PRKCB: variants seen among roughly 807,000 people sequenced by gnomAD.
PRKCB encodes the protein protein kinase C beta.
PRKCB carries 13 observed loss-of-function variants against 81.5 expected under a neutral mutation model. That is an observed-to-expected ratio of 0.16 (90% CI 0.10 to 0.25). The LOEUF (loss-of-function observed/expected upper bound fraction) is 0.25, where lower values mean the gene tolerates loss of function less well. Ranked by LOEUF, PRKCB falls within the 10% of genes least tolerant of loss-of-function variation. The pLI is 1.00. For synonymous variants in PRKCB, 335 were observed against 321.4 expected, an observed-to-expected ratio of 1.04 and a Z score of -0.45; for missense variants, 509 against 875.7, an observed-to-expected ratio of 0.58 and a Z score of 5.29.
chr16:23,982,981 A>C (rs1276181687), intron 2 of PRKCB, among the ~76,000 whole-genome samples: 1 of 152,138 alleles, frequency 6.6e-6, no homozygotes, highest in African/African-American at 2.4e-5. Flanking sequence ...GCAGGCTTTC[A>C]ACCTTTGTAG....
At chr16:24,180,644 A>G (rs1967604094) in intron 12 of PRKCB, 146 bp from the exon 13 acceptor site, 1 of 900,414 alleles carries the variant, frequency 1.1e-6, no homozygotes, top group Non-Finnish European at 1.7e-6. Context: ...CCAGACTGTA[A>G]GCTGTTGGAG....
At chr16:23,880,951 G>A (rs574796234) in intron 2 of PRKCB, among the ~76,000 whole-genome samples, 10 of 152,052 alleles carry the variant, frequency 6.6e-5, no homozygotes, top group African/African-American at 1.9e-4. Flanking sequence ...CCACTGCTTG[G>A]CTTGACGATC....
intron 5 of PRKCB, among the ~76,000 whole-genome samples, chr16:24,044,603 C>T (rs1376107998): frequency 6.6e-6 from 1 of 152,160 alleles, no homozygotes; most frequent in Non-Finnish European, 1.5e-5. Flanking sequence ...TGGTGTAAAG[C>T]AGAGGTTGCC....
intron 9 of PRKCB, among the ~76,000 whole-genome samples, chr16:24,154,313 CAAAAAAT>C (rs1967122313): frequency 6.6e-6 from 1 of 151,936 alleles, no homozygotes; most frequent in Non-Finnish European, 1.5e-5. Flanking sequence ...CTTGTCTCTA[CAAAAAAT>C]AAAAAATAAA....
At chr16:24,187,679 GTTTTGTTTTGTTTTGTTTTA>G (rs1192550040) in intron 15 of PRKCB, among the ~76,000 whole-genome samples, 2 of 139,360 alleles carry the variant, frequency 1.4e-5, no homozygotes, top group Admixed American at 7.1e-5. Context: ...GTTTTGTTTT[GTTTTGTTTTGTTTTGTTTTA>G]TCAATGTCTC....
At chr16:24,053,341 TATCTGGTCACTGTCACAAC>T (rs1271440417) in intron 5 of PRKCB, among the ~76,000 whole-genome samples, 6 of 152,222 alleles carry the variant, frequency 3.9e-5, no homozygotes, top group African/African-American at 1.4e-4. Flanking sequence ...GCTTTGGAGC[TATCTGGTCACTGTCACAAC>T]TACTTAACTC....
chr16:24,125,185 G>T (rs943095694), intron 9 of PRKCB, among the ~76,000 whole-genome samples: 8 of 151,182 alleles, frequency 5.3e-5, no homozygotes, highest in Middle Eastern at 3.4e-3. Context: ...TTTCTACTTC[G>T]TAGCCGTAAT....
At chr16:23,928,113 C>T (rs967739140) in intron 2 of PRKCB, among the ~76,000 whole-genome samples, 1 of 151,886 alleles carries the variant, frequency 6.6e-6, no homozygotes, top group African/African-American at 2.4e-5. Context: ...GCTGTTTCCA[C>T]AGACGTTTAT....
intron 2 of PRKCB, among the ~76,000 whole-genome samples, chr16:23,926,957 T>C (rs534410953): frequency 5.2e-4 from 79 of 152,286 alleles, no homozygotes; most frequent in African/African-American, 1.8e-3. Context: ...CATTAAAGTA[T>C]TTATTGAATA....
chr16:24,118,700 G>C (rs1275018518), intron 8 of PRKCB, among the ~76,000 whole-genome samples: 1 of 152,164 alleles, frequency 6.6e-6, no homozygotes, highest in Non-Finnish European at 1.5e-5. Context: ...TTGAGTTCTA[G>C]GGCTCTAAAT....
chr16:24,032,204 G>A lies in PRKCB; in HGVS notation c.357G>A (p.Gly119=), dbSNP rs564776408. 1 of 1,613,708 alleles carries A rather than the reference G, an allele frequency of 6.2e-7. No homozygotes were observed. The highest frequency in any genetic ancestry group is 1.3e-5 in the African/African-American group (1 of 75,006). The part of the protein sequence containing the change: ...YSSPTFCDHC[G]SLLYGLIHQG... ...GCCCCACGTTTTGTGACCACTGTGG[G>A]TCACTGCTGTATGGACTCATCCACC... Residue 119 remains glycine, a synonymous_variant, in exon 4 of 17, where the codon GGG becomes GGA. Coordinates refer to ENST00000643927, the MANE Select transcript of PRKCB (RefSeq NM_002738.7).
intron 2 of PRKCB, among the ~76,000 whole-genome samples, chr16:23,955,534 T>A (rs1964338720): frequency 6.6e-6 from 1 of 152,132 alleles, no homozygotes; most frequent in Non-Finnish European, 1.5e-5. Flanking sequence ...TGGGGACTTG[T>A]GTTTATAAGT....
At chr16:24,203,570 A>G (rs561962685) in intron 16 of PRKCB, among the ~76,000 whole-genome samples, 9 of 152,134 alleles carry the variant, frequency 5.9e-5, no homozygotes, top group Non-Finnish European at 1.0e-4. Flanking sequence ...ACATTTGCTG[A>G]TGTTCTTCCT....
Position 23,836,006 on chromosome 16 carries a change from A to G in PRKCB, c.-170A>G, listed in dbSNP as rs371723231. ...CTGGACGAGCGGCAGCAGCTGGGCG[A>G]GTGACAGCCCCGGCTCCGCGCGCCG... On this transcript the variant is annotated 5_prime_UTR_variant, in exon 1 of 17. Transcript: ENST00000643927. 170 of 234,950 alleles carry G rather than the reference A, an allele frequency of 7.2e-4. 6 individuals carry two copies. In the East Asian group the frequency reaches 0.021, roughly 28 times the overall value. 14.6% of individuals were successfully genotyped at this position (234,950 alleles called of 1,614,324 possible).
At chr16:23,886,120 A>G (rs148426232) in intron 2 of PRKCB, among the ~76,000 whole-genome samples, 2,965 of 152,308 alleles carry the variant, frequency 0.019, 95 homozygotes, top group African/African-American at 0.068. Context: ...GCTGAAGGTC[A>G]CAGAGCTGAG....
rs750032530 is a variant in PRKCB at position 24,185,100 on chromosome 16, C to T, written c.1534-11C>T. 1.2e-6 allele frequency: 2 copies of T among 1,613,112 alleles called. No homozygotes were observed. Among genetic ancestry groups the T allele is most frequent in the Non-Finnish European group, 1.7e-6 (2 of 1,179,174 alleles). On this transcript the variant is annotated splice_polypyrimidine_tract_variant and intron_variant, in intron 13 of 16. Coordinates refer to ENST00000643927, the MANE Select transcript of PRKCB (RefSeq NM_002738.7). ...GCAAACCTCCCTGATAGGGTGCCTT[C>T]TCTTTTCTAGATAATTGCTTATCAG...
intron 4 of PRKCB, among the ~76,000 whole-genome samples, chr16:24,032,534 T>C (rs565948311): frequency 1.3e-5 from 2 of 152,208 alleles, no homozygotes; most frequent in South Asian, 4.1e-4. Flanking sequence ...TGGTTCATGG[T>C]GGATTAGCAG....
rs370121951 is a variant in PRKCB, at chr16:23,845,579, G to A, written c.205+8173G>A. Among the ~76,000 whole-genome samples the A allele has an allele frequency of 3.9e-5, 6 of 152,280 alleles. No homozygotes were observed. In the East Asian group the frequency reaches 1.2e-3, roughly 29 times the overall value. On this transcript the variant is annotated intron_variant, in intron 2 of 16. Coordinates refer to ENST00000643927, the MANE Select transcript of PRKCB (RefSeq NM_002738.7). ...GAGGATTGCTTGAGGCCAGGAGTTC[G>A]AGACCAGCCTGGGCAACATAACAAG...
At chr16:24,201,187 T>A (rs139628024) in intron 16 of PRKCB, among the ~76,000 whole-genome samples, 1 of 152,276 alleles carries the variant, frequency 6.6e-6, no homozygotes, top group African/African-American at 2.4e-5. Context: ...TTCATGCTTA[T>A]CTCCCCTGTT....
Sources: gnomAD v4.1 joint callset for allele counts (sites outside exome capture counted in the v4.1 genomes callset) on GRCh38, gnomAD v4.1.1 for gene constraint, MANE v1.5 for transcripts, NCBI Gene and HGNC (gene_info 2026-07-23, HGNC 2026-07-21) for gene names.